Variants in TBC1D23 observed in about 807,000 individuals in gnomAD.
TBC1D23 encodes HCV non-structural protein 4A-transactivated protein 1.
A neutral mutation model predicts 91.4 loss-of-function variants in TBC1D23; 55 were observed. The ratio of observed to expected loss-of-function variants is 0.60; its 90% CI spans 0.48 to 0.75. The LOEUF (loss-of-function observed/expected upper bound fraction) is 0.75, where lower values mean the gene tolerates loss of function less well. Ranked by LOEUF, TBC1D23 falls within the 30% of genes least tolerant of loss-of-function variation. The pLI, the probability that TBC1D23 is intolerant of heterozygous loss-of-function variation, is 0.00. For synonymous variants in TBC1D23, 289 were observed against 281.0 expected (o/e 1.03, Z -0.28); for missense variants, 725 against 836.1 (o/e 0.87, Z 1.64).
At chr3:100,321,518 C>T (rs752562578) in intron 18 of TBC1D23, among the ~76,000 whole-genome samples, 11 of 152,174 alleles carry the variant, frequency 7.2e-5, no homozygotes, top group Non-Finnish European at 1.3e-4. Flanking sequence ...GGTGGAATGA[C>T]TTCCCAGATC....
chr3:100,278,575 G>A (rs1269858325), intron 1 of TBC1D23, among the ~76,000 whole-genome samples: 1 of 151,894 alleles, frequency 6.6e-6, no homozygotes, highest in African/African-American at 2.4e-5. Flanking sequence ...TAGTAGAGAC[G>A]GGGTTTCACC....
intron 17 of TBC1D23, among the ~76,000 whole-genome samples, chr3:100,319,505 A>AG (rs1444885145): frequency 3.3e-5 from 5 of 151,844 alleles, no homozygotes; most frequent in Non-Finnish European, 7.4e-5. Context: ...CTCTGCTCAC[A>AG]GCAACCTCTG....
At chr3:100,292,399 C>A (rs138108993) in intron 5 of TBC1D23, among the ~76,000 whole-genome samples, 5 of 152,162 alleles carry the variant, frequency 3.3e-5, no homozygotes, top group Non-Finnish European at 7.4e-5. Flanking sequence ...ACTGTGTGAT[C>A]TAAGACAGCC....
chr3:100,282,962 T>A (rs769713567), intron 3 of TBC1D23, among the ~76,000 whole-genome samples: 1 of 152,262 alleles, frequency 6.6e-6, no homozygotes, highest in Non-Finnish European at 1.5e-5. Context: ...ACTGAATGTA[T>A]AGAAGTCTTC....
At chr3:100,297,360 T>G (rs1437764842) in intron 8 of TBC1D23, among the ~76,000 whole-genome samples, 1 of 152,198 alleles carries the variant, frequency 6.6e-6, no homozygotes, top group African/African-American at 2.4e-5. Context: ...AGGGACCAGT[T>G]TCAACTATTT....
chr3:100,283,568 A>C, intron 3 of TBC1D23, 39 bp from the exon 4 acceptor site: 1 of 1,393,174 alleles, frequency 7.2e-7, no homozygotes, highest in Non-Finnish European at 1.0e-6. Context: ...AGCCCCTGAC[A>C]GGCCCTCAGT....
intron 15 of TBC1D23, among the ~76,000 whole-genome samples, chr3:100,312,681 TACAA>T (rs1008908443): frequency 1.3e-5 from 2 of 151,962 alleles, no homozygotes; most frequent in African/African-American, 4.8e-5. Context: ...CAGCAACACC[TACAA>T]ACATTTAAAA....
intron 1 of TBC1D23, among the ~76,000 whole-genome samples, chr3:100,275,247 G>GTT (rs144115559): frequency 5.4e-5 from 8 of 147,510 alleles, no homozygotes; most frequent in Non-Finnish European, 7.5e-5. Context: ...ATTATTTTGT[G>GTT]TTTTTTTTTT....
intron 14 of TBC1D23, among the ~76,000 whole-genome samples, chr3:100,311,425 A>T (rs1705622520): frequency 1.3e-5 from 2 of 152,222 alleles, no homozygotes; most frequent in African/African-American, 4.8e-5. Context: ...ATTGTACCTT[A>T]TCTAAAATGG....
At chr3:100,293,814 A>G (rs1366856751) in intron 5 of TBC1D23, among the ~76,000 whole-genome samples, 2 of 152,002 alleles carry the variant, frequency 1.3e-5, no homozygotes, top group East Asian at 3.9e-4. Flanking sequence ...CCTGAAAAAA[A>G]TGGGGAGTAA....
At chr3:100,294,265 A>ATTT in intron 5 of TBC1D23, among the ~76,000 whole-genome samples, 1 of 143,528 alleles carries the variant, frequency 7.0e-6, no homozygotes, top group Non-Finnish European at 1.5e-5. Context: ...TTTTGTGTTT[A>ATTT]TTTTTTTTTT....
intron 10 of TBC1D23, 159 bp from the exon 11 acceptor site, chr3:100,301,908 C>G (rs1301868383): frequency 3.5e-6 from 2 of 575,360 alleles, no homozygotes; most frequent in South Asian, 2.5e-5. Context: ...ATAAATATTT[C>G]TCTTATCCCA....
intron 1 of TBC1D23, among the ~76,000 whole-genome samples, chr3:100,262,488 G>A (rs182269352): frequency 1.3e-5 from 2 of 152,290 alleles, no homozygotes; most frequent in Admixed American, 1.3e-4. Context: ...ACTTTGGGAG[G>A]CCGAGGCGGG....
chr3:100,290,766 G>GTTT, intron 5 of TBC1D23, 65 bp downstream of exon 5: 1 of 1,046,384 alleles, frequency 9.6e-7, no homozygotes, highest in Non-Finnish European at 1.3e-6. Flanking sequence ...AGTTAGGTGG[G>GTTT]TTTTTTTTTT....
chr3:100,294,082 A>T (rs571303542), intron 5 of TBC1D23, among the ~76,000 whole-genome samples: 16 of 152,272 alleles, frequency 1.1e-4, no homozygotes, highest in African/African-American at 1.7e-4. Flanking sequence ...GCTGTTAAAA[A>T]TTTTTTAAAT....
At chr3:100,309,680 C>T (rs1705587973) in intron 13 of TBC1D23, among the ~76,000 whole-genome samples, 1 of 136,060 alleles carries the variant, frequency 7.3e-6, no homozygotes, top group African/African-American at 2.7e-5. Flanking sequence ...GGTACAATCT[C>T]AGCACACTGC....
intron 4 of TBC1D23, among the ~76,000 whole-genome samples, chr3:100,288,692 C>T (rs1230419888): frequency 2.6e-5 from 4 of 152,158 alleles, no homozygotes; most frequent in African/African-American, 7.2e-5. Flanking sequence ...TTTGCTGATT[C>T]ATTAGATACA....
intron 1 of TBC1D23, among the ~76,000 whole-genome samples, chr3:100,268,159 C>CTAA (rs201329638): frequency 4.6e-5 from 7 of 151,926 alleles, no homozygotes; most frequent in South Asian, 4.2e-4. Flanking sequence ...GACTCTGTCT[C>CTAA]TAATAATAAT....
At chr3:100,306,793 A>T (rs944356496) in intron 13 of TBC1D23, among the ~76,000 whole-genome samples, 3 of 152,220 alleles carry the variant, frequency 2.0e-5, no homozygotes, top group Non-Finnish European at 2.9e-5. Context: ...GCTGAATTCA[A>T]ATTTCTCCCT....
Sources: gnomAD v4.1 joint callset for allele counts (sites outside exome capture counted in the v4.1 genomes callset) on GRCh38, gnomAD v4.1.1 for gene constraint, MANE v1.5 for transcripts, NCBI Gene and HGNC (gene_info 2026-07-23, HGNC 2026-07-21) for gene names.